CFAP206: variants seen among roughly 807,000 people sequenced by gnomAD.
The protein encoded by CFAP206 is cilia- and flagella-associated protein 206.
A neutral mutation model predicts 65.4 loss-of-function variants in CFAP206; 53 were observed. The ratio of observed to expected loss-of-function variants is 0.81; its 90% confidence interval spans 0.65 to 1.02. The LOEUF is 1.02. CFAP206 is among the 50% of genes least tolerant of loss of function. CFAP206 has a pLI of 0.00. For missense variants in CFAP206, 663 were observed against 753.2 expected (o/e 0.88, Z 1.40); for synonymous variants, 250 against 254.4 (o/e 0.98, Z 0.17).
intron 1 of CFAP206, among the ~76,000 whole-genome samples, chr6:87,409,266 G>T (rs1767685667): frequency 7.2e-6 from 1 of 138,490 alleles, no homozygotes. Context: ...CGCTCTTGTT[G>T]CCCAGGCTGG....
chr6:87,430,705 CG>C (rs1188772938), intron 9 of CFAP206, among the ~76,000 whole-genome samples: 1 of 152,182 alleles, frequency 6.6e-6, no homozygotes, highest in Admixed American at 6.5e-5. Flanking sequence ...CACACACTTT[CG>C]GAAGTGCCCC....
At chr6:87,409,706 A>G (rs1314690350) in intron 1 of CFAP206, 129 bp from the exon 2 acceptor site, 1 of 614,814 alleles carries the variant, frequency 1.6e-6, no homozygotes, top group Non-Finnish European at 2.8e-6. Flanking sequence ...GATACTAATA[A>G]AAATGCTAAT....
intron 9 of CFAP206, among the ~76,000 whole-genome samples, chr6:87,429,496 C>T (rs1448626453): frequency 6.6e-6 from 1 of 152,100 alleles, no homozygotes; most frequent in African/African-American, 2.4e-5. Context: ...TATATATCTA[C>T]CTCAGATTCA....
chr6:87,439,794 T>C (rs1768333343), intron 11 of CFAP206, among the ~76,000 whole-genome samples: 1 of 152,068 alleles, frequency 6.6e-6, no homozygotes, highest in Admixed American at 6.6e-5. Context: ...TTTAATAGTC[T>C]CTCCTTTCCT....
chr6:87,451,473 C>T (rs1562009988), intron 11 of CFAP206, among the ~76,000 whole-genome samples: 1 of 152,070 alleles, frequency 6.6e-6, no homozygotes, highest in Admixed American at 6.5e-5. Context: ...GCAGAATTCA[C>T]CACCTGCTGA....
chr6:87,440,741 C>T (rs1371206430), intron 11 of CFAP206, among the ~76,000 whole-genome samples: 1 of 152,064 alleles, frequency 6.6e-6, no homozygotes, highest in African/African-American at 2.4e-5. Context: ...AAAATTCTGG[C>T]AGCAATGTAA....
chr6:87,410,641 G>A lies in CFAP206; in HGVS notation c.165G>A (p.Met55Ile), dbSNP rs1188232042. 1 of 1,613,980 alleles carries A rather than the reference G, an allele frequency of 6.2e-7. No individual in the cohort carries two copies. The highest frequency in any genetic ancestry group is 8.5e-7 in the Non-Finnish European group (1 of 1,179,910). ...SNGFNMDRTL[M>I]KSDVQNLVKL... ...GCTTTAACATGGATAGAACCCTCAT[G>A]AAAAGTGATGTGCAGAATCTTGTTA... is the stretch of plus-strand genomic sequence containing the variant. Residue 55 changes from methionine to isoleucine, a missense_variant, in exon 3 of 13, where the codon ATG becomes ATA. Met to Ile is a conservative substitution (Grantham distance 10, BLOSUM62 1). Coordinates refer to ENST00000369562, the MANE Select transcript of CFAP206 (RefSeq NM_001031743.3).
rs776590872 is a variant in CFAP206, at chr6:87,413,792, T to C, written c.193-18T>C. ...CAAAAACTATAACTAGAAGTATTCA[T>C]GGGACATTCTTTTCTAGCTTTGTAT... On this transcript the variant is annotated intron_variant, in intron 3 of 12. Coordinates refer to ENST00000369562, the MANE Select transcript of CFAP206 (RefSeq NM_001031743.3). 78 of 1,428,056 alleles carry C rather than the reference T, an allele frequency of 5.5e-5. No homozygotes were observed. Among genetic ancestry groups the C allele is most frequent in the Non-Finnish European group, 6.8e-5 (71 of 1,038,166 alleles). The allele number at this position is 1,428,056 out of a possible 1,614,324, so 88.5% of individuals were successfully genotyped here.
intron 6 of CFAP206, among the ~76,000 whole-genome samples, chr6:87,417,407 A>G (rs564756522): frequency 3.9e-4 from 60 of 152,326 alleles, no homozygotes; most frequent in Middle Eastern, 3.4e-3. Context: ...GTCTTTCACC[A>G]AATCACTAAT....
chr6:87,409,364 C>A (rs928493072), intron 1 of CFAP206, among the ~76,000 whole-genome samples: 16 of 152,108 alleles, frequency 1.1e-4, no homozygotes, highest in African/African-American at 3.9e-4. Context: ...CAGGCGTGTG[C>A]CACCACTCCC....
chr6:87,459,822 C>T (rs1768712574), intron 11 of CFAP206, among the ~76,000 whole-genome samples: 1 of 152,136 alleles, frequency 6.6e-6, no homozygotes, highest in Non-Finnish European at 1.5e-5. Context: ...GTGGATAATG[C>T]CTCGTTTTCC....
In CFAP206 at chr6:87,430,988, AC is replaced by A. The variant is rs759247574; in HGVS notation, c.1160-43del. 2.5e-6 allele frequency: 4 copies of A among 1,583,446 alleles called. No individual in the cohort carries two copies. In the South Asian group the frequency reaches 4.5e-5, roughly 18 times the overall value. On this transcript the variant is annotated intron_variant, in intron 9 of 12. Coordinates refer to ENST00000369562, the MANE Select transcript of CFAP206 (RefSeq NM_001031743.3). ...ACTGCTGATTTATTTTGGAAATTTA[AC>A]CTTCTCACTGAATTAAAGCTTTTCT...
chr6:87,461,354 A>G (rs1768745731), intron 12 of CFAP206, among the ~76,000 whole-genome samples, 189 bp downstream of exon 12: 1 of 152,214 alleles, frequency 6.6e-6, no homozygotes, highest in Non-Finnish European at 1.5e-5. Context: ...TTAAGCATAT[A>G]TAGAACAATG....
chr6:87,464,407 C>A lies in CFAP206; in HGVS notation c.*157C>A. On this transcript the variant is annotated 3_prime_UTR_variant, in exon 13 of 13. Transcript: ENST00000369562. ...TTCCCATATTTTATCAAACTGTTTT[C>A]TGTAACACATTTTTCATTCTGTTGA... 1 of 467,414 alleles carries A rather than the reference C, an allele frequency of 2.1e-6. No individual in the cohort carries two copies. Among genetic ancestry groups the A allele is most frequent in the Non-Finnish European group, 3.7e-6 (1 of 271,102 alleles). The allele number at this position is 467,414 out of a possible 1,614,324, so 29.0% of individuals were successfully genotyped here. A position where few individuals can be genotyped will look rare whatever the true frequency, so the allele number is the denominator to read the frequency against.
chr6:87,451,803 C>T (rs906860980), intron 11 of CFAP206, among the ~76,000 whole-genome samples: 1 of 151,164 alleles, frequency 6.6e-6, no homozygotes, highest in Non-Finnish European at 1.5e-5. Flanking sequence ...GCTTCCCTGG[C>T]GGAGCTTGCA....
At chr6:87,442,529 A>T (rs1396652710) in intron 11 of CFAP206, among the ~76,000 whole-genome samples, 1 of 152,146 alleles carries the variant, frequency 6.6e-6, no homozygotes, top group Non-Finnish European at 1.5e-5. Context: ...TATAGTATCA[A>T]ATAGAGGTAG....
intron 10 of CFAP206, 31 bp from the exon 11 acceptor site, chr6:87,434,829 A>C (rs749704326): frequency 1.7e-6 from 2 of 1,160,314 alleles, no homozygotes; most frequent in South Asian, 3.1e-5. Flanking sequence ...TGATCAAGAC[A>C]TTTCATATCT....
intron 9 of CFAP206, 42 bp downstream of exon 9, chr6:87,428,866 AC>A: frequency 1.3e-6 from 2 of 1,529,256 alleles, no homozygotes; most frequent in Non-Finnish European, 1.8e-6. Flanking sequence ...TTTTAAAATT[AC>A]CTCTAGAATA....
chr6:87,420,002 A>G (rs775784118), intron 7 of CFAP206, among the ~76,000 whole-genome samples: 1 of 152,192 alleles, frequency 6.6e-6, no homozygotes, highest in African/African-American at 2.4e-5. Context: ...GCTTGAGCCC[A>G]GGAGCTTGAG....
Sources: allele counts gnomAD v4.1 joint callset (sites outside exome capture counted in the v4.1 genomes callset), GRCh38; gene constraint gnomAD v4.1.1; transcripts MANE v1.5; gene names NCBI Gene and HGNC (gene_info 2026-07-23, HGNC 2026-07-21).